The following TSGA10 variants were observed in gnomAD, a reference collection of about 807,000 sequenced individuals.
TSGA10 encodes testis specific 10, also known as testis-specific gene 10 protein.
TSGA10 carries 43 observed loss-of-function variants against 96.6 expected under a neutral mutation model. The observed-to-expected ratio is 0.44, with a 90% CI of 0.35 to 0.57. TSGA10 has a LOEUF of 0.57. TSGA10 is among the 20% of genes least tolerant of loss of function. The pLI is 0.01. For missense variants in TSGA10, 703 were observed against 834.4 expected, an observed-to-expected ratio of 0.84 and a Z score of 1.94; for synonymous variants, 229 against 269.9, an observed-to-expected ratio of 0.85 and a Z score of 1.48.
intron 20 of TSGA10, among the ~76,000 whole-genome samples, chr2:99,009,407 C>G (rs796319403): frequency 6.6e-6 from 1 of 151,542 alleles, no homozygotes; most frequent in Admixed American, 6.6e-5. Flanking sequence ...CCCGTCTCTA[C>G]TAAAAATACA....
At chr2:99,035,519 G>T in intron 16 of TSGA10, 80 bp from the exon 17 acceptor site, 2 of 978,214 alleles carry the variant, frequency 2.0e-6, no homozygotes, top group Non-Finnish European at 2.9e-6. Flanking sequence ...AAAATGAAGT[G>T]GGGCAAATCT....
At chr2:99,025,514 A>G (rs761844596) in intron 17 of TSGA10, among the ~76,000 whole-genome samples, 4 of 152,136 alleles carry the variant, frequency 2.6e-5, no homozygotes, top group Non-Finnish European at 4.4e-5. Flanking sequence ...TCACTTTGCT[A>G]AAGATTTGTC....
intron 16 of TSGA10, among the ~76,000 whole-genome samples, chr2:99,057,156 A>C (rs2084101881): frequency 6.6e-6 from 1 of 152,162 alleles, no homozygotes. Context: ...CCCTAAAATC[A>C]GGAACAAGAT....
chr2:99,112,254 T>C (rs1013749122), intron 4 of TSGA10, among the ~76,000 whole-genome samples: 1 of 152,112 alleles, frequency 6.6e-6, no homozygotes, highest in African/African-American at 2.4e-5. Context: ...TCATGTAGTA[T>C]ATATTCTAGC....
At chr2:99,006,358 C>G (rs1263579436) in intron 20 of TSGA10, among the ~76,000 whole-genome samples, 2 of 152,068 alleles carry the variant, frequency 1.3e-5, no homozygotes, top group African/African-American at 4.8e-5. Context: ...GAACAGGCAA[C>G]CAACAGAATG....
intron 11 of TSGA10, among the ~76,000 whole-genome samples, chr2:99,080,775 A>C (rs2087365572): frequency 6.6e-6 from 1 of 152,160 alleles, no homozygotes; most frequent in Non-Finnish European, 1.5e-5. Context: ...TTAAGTTAGG[A>C]CCATATTTTC....
At chr2:99,008,202 A>C (rs540981098) in intron 20 of TSGA10, among the ~76,000 whole-genome samples, 209 of 152,332 alleles carry the variant, frequency 1.4e-3, no homozygotes, top group Non-Finnish European at 2.7e-3. Context: ...TTAAAATCTG[A>C]CTACACAAAA....
At chr2:99,012,499 A>G (rs1314071802) in intron 20 of TSGA10, among the ~76,000 whole-genome samples, 1 of 152,224 alleles carries the variant, frequency 6.6e-6, no homozygotes, top group Non-Finnish European at 1.5e-5. Context: ...AAGATATTCC[A>G]CGCAAATGGA....
chr2:99,025,937 T>C (rs1033537140), intron 17 of TSGA10, among the ~76,000 whole-genome samples: 3 of 152,222 alleles, frequency 2.0e-5, no homozygotes, highest in Non-Finnish European at 4.4e-5. Flanking sequence ...AACAATTCCA[T>C]TGTGATGGGA....
intron 1 of TSGA10, among the ~76,000 whole-genome samples, chr2:99,145,807 G>T (rs1471329065): frequency 6.6e-6 from 1 of 152,168 alleles, no homozygotes; most frequent in Non-Finnish European, 1.5e-5. Flanking sequence ...AGAGTGTGTT[G>T]AGCAGAGGAC....
chr2:99,007,343 A>C (rs1458124340), intron 20 of TSGA10, among the ~76,000 whole-genome samples: 3 of 152,222 alleles, frequency 2.0e-5, no homozygotes, highest in Non-Finnish European at 4.4e-5. Context: ...ACAATGACTC[A>C]TAAAGCAAAA....
In TSGA10 at chr2:99,113,523, A is replaced by G. The variant is rs1323410693; in HGVS notation, c.-139-2608T>C. Among the ~76,000 whole-genome samples, 5 of 152,174 alleles carry G rather than the reference A, an allele frequency of 3.3e-5. No individual in the cohort carries two copies. In the South Asian group the frequency reaches 6.2e-4, roughly 19 times the overall value. On this transcript the variant is annotated intron_variant, in intron 4 of 20. Transcript: ENST00000393483. ...GAAGTAGATCCTCCAGTAGCAGTCAAGCCATGACTGTGGCAATCAGCTTTT... is the reference window on the plus strand; with the variant it reads ...GAAGTAGATCCTCCAGTAGCAGTCAGGCCATGACTGTGGCAATCAGCTTTT...
rs758340680 is a variant in TSGA10 at position 99,018,294 on chromosome 2, T to C, written c.1978A>G (p.Met660Val). The change falls in exon 20 of 21, where the codon ATG becomes GTG. Residue 660 changes from methionine to valine, a missense_variant. By Grantham distance (21) the Met-to-Val change is conservative. This residue lies in a region of TSGA10 where 69 missense variants were observed against 81.3 expected (regional missense o/e 0.85). Coordinates refer to ENST00000393483, the MANE Select transcript of TSGA10 (RefSeq NM_025244.4). ...RQNYSSNAYHMSSTMKPNTKC... is the reference protein window; with the variant it reads ...RQNYSSNAYHVSSTMKPNTKC... The stretch of plus-strand genomic sequence containing the variant: ...GTATTTGGCTTCATTGTAGAACTCA[T>C]ATGATAAGCATTACTTGAATAATTT... 14 of 1,614,206 alleles carry C rather than the reference T, an allele frequency of 8.7e-6. No homozygotes were observed. The East Asian group carries it at 2.9e-4, about 33-fold the overall frequency.
At chr2:99,095,804 C>A (rs2089975596) in intron 10 of TSGA10, among the ~76,000 whole-genome samples, 1 of 152,190 alleles carries the variant, frequency 6.6e-6, no homozygotes, top group African/African-American at 2.4e-5. Flanking sequence ...CCACGCCCAG[C>A]TAATTTTTGT....
chr2:99,072,037 G>A (rs2086035175), intron 13 of TSGA10, among the ~76,000 whole-genome samples, 163 bp from the exon 14 acceptor site: 1 of 152,212 alleles, frequency 6.6e-6, no homozygotes, highest in Non-Finnish European at 1.5e-5. Context: ...GTGCATTAGA[G>A]TTTCTCAATG....
chr2:99,023,413 T>A (rs1407731810), intron 17 of TSGA10, among the ~76,000 whole-genome samples: 2 of 152,118 alleles, frequency 1.3e-5, no homozygotes, highest in South Asian at 2.1e-4. Flanking sequence ...TTTTTTTTTT[T>A]ATTTTGATCA....
chr2:99,020,771 ACTC>A (rs149797380), intron 17 of TSGA10, among the ~76,000 whole-genome samples: 2,747 of 151,846 alleles, frequency 0.018, 85 homozygotes, highest in African/African-American at 0.063. Context: ...TTCTTTATAT[ACTC>A]CTGCAAGACT....
intron 1 of TSGA10, among the ~76,000 whole-genome samples, chr2:99,138,155 G>T (rs2093401581): frequency 6.6e-6 from 1 of 152,168 alleles, no homozygotes; most frequent in South Asian, 2.1e-4. Context: ...TTTGACTTCA[G>T]GTCCTCTGCT....
intron 1 of TSGA10, among the ~76,000 whole-genome samples, chr2:99,143,133 CTTTTTTTTTTTTTT>C (rs10605521): frequency 0.021 from 1,698 of 82,254 alleles, 55 homozygotes; most frequent in African/African-American, 0.073. Context: ...CCAACTAAAC[CTTTTTTTTTTTTTT>C]TTTTTTTTTT....
Sources: allele counts gnomAD v4.1 joint callset (sites outside exome capture counted in the v4.1 genomes callset), GRCh38; gene constraint gnomAD v4.1.1; regional missense constraint gnomAD v4.1.1; transcripts MANE v1.5; gene names NCBI Gene and HGNC (gene_info 2026-07-23, HGNC 2026-07-21).